Variants in ADGRL2 observed in about 807,000 individuals in gnomAD.
ADGRL2 encodes the protein adhesion G protein-coupled receptor L2, also known as calcium-independent alpha-latrotoxin receptor 2.
A neutral mutation model predicts 157.4 loss-of-function variants in ADGRL2; 44 were observed. The observed-to-expected ratio is 0.28, with a 90% CI of 0.22 to 0.36. The LOEUF is 0.36. Ranked by LOEUF, ADGRL2 falls within the 10% of genes least tolerant of loss-of-function variation. The pLI is 1.00. For missense variants in ADGRL2, 1,510 were observed against 1,768.9 expected (o/e 0.85, Z 2.63); for synonymous variants, 585 against 624.7 (o/e 0.94, Z 0.95).
At chr1:81,776,691 A>G (rs901065523) in intron 2 of ADGRL2, among the ~76,000 whole-genome samples, 2 of 152,224 alleles carry the variant, frequency 1.3e-5, no homozygotes, top group South Asian at 4.1e-4. Flanking sequence ...AAACATGCAC[A>G]TACATATACA....
At chr1:81,351,870 A>G (rs776103319) in intron 1 of ADGRL2, among the ~76,000 whole-genome samples, 1 of 152,250 alleles carries the variant, frequency 6.6e-6, no homozygotes, top group Non-Finnish European at 1.5e-5. Flanking sequence ...AAAAAGATTA[A>G]GAGCGGCTCC....
intron 1 of ADGRL2, among the ~76,000 whole-genome samples, chr1:81,335,426 A>G (rs1661564891): frequency 6.6e-6 from 1 of 152,186 alleles, no homozygotes; most frequent in Non-Finnish European, 1.5e-5. Context: ...ATTTTCATTC[A>G]TTAGTTATTT....
At chr1:81,345,287 G>A (rs1662397623) in intron 1 of ADGRL2, among the ~76,000 whole-genome samples, 1 of 152,154 alleles carries the variant, frequency 6.6e-6, no homozygotes. Context: ...CCACCTCCAA[G>A]CCTAGGCTGC....
intron 3 of ADGRL2, among the ~76,000 whole-genome samples, chr1:81,634,266 A>G (rs903161793): frequency 7.2e-5 from 11 of 152,168 alleles, no homozygotes; most frequent in African/African-American, 2.2e-4. Context: ...TTCCTAATCT[A>G]TCTTGCTCAC....
intron 1 of ADGRL2, among the ~76,000 whole-genome samples, chr1:81,348,547 T>C (rs949066816): frequency 6.6e-6 from 1 of 152,024 alleles, no homozygotes; most frequent in African/African-American, 2.4e-5. Context: ...TGGCTAAAAG[T>C]AAACATGAAT....
At chr1:81,463,761 C>G (rs1341682573) in intron 2 of ADGRL2, among the ~76,000 whole-genome samples, 1 of 152,182 alleles carries the variant, frequency 6.6e-6, no homozygotes. Context: ...AGGTCGTGTT[C>G]AAGGCTGGGT....
At chr1:81,728,053 C>G (rs988127847) in intron 1 of ADGRL2, among the ~76,000 whole-genome samples, 3 of 152,078 alleles carry the variant, frequency 2.0e-5, no homozygotes, top group Admixed American at 2.0e-4. Flanking sequence ...TTCAAACAGC[C>G]AAGTATGAGA....
At chr1:81,416,004 C>A (rs1446094029) in intron 1 of ADGRL2, among the ~76,000 whole-genome samples, 1 of 151,956 alleles carries the variant, frequency 6.6e-6, no homozygotes, top group Admixed American at 6.6e-5. Flanking sequence ...CCATGCCAGG[C>A]TAATTTTTTG....
At position 81,907,228 on chromosome 1, in the gene ADGRL2, A is replaced by T. The variant is rs2094601285; in HGVS notation, c.285A>T (p.Gln95His). The change falls in exon 3 of 24, where the codon CAA becomes CAT. Residue 95 changes from glutamine (Q) to histidine (H), a missense_variant and splice_region_variant. Around this residue, in one of 4 missense-constraint regions of ADGRL2, gnomAD observed 361 missense variants for 498.4 expected, o/e 0.72. Transcript: ENST00000686636. ...YLPDAFKIMT[Q>H]RCNNRTQCIV... is the part of the protein sequence containing the mutation. ...CCGATGCCTTCAAAATTATGACTCAAAGGTAAATATTCATGTGTTAATGTC... is the reference window on the plus strand; with the variant it reads ...CCGATGCCTTCAAAATTATGACTCATAGGTAAATATTCATGTGTTAATGTC... The T allele has an allele frequency of 1.2e-6, 2 of 1,611,908 alleles. No homozygotes were observed. Among genetic ancestry groups the T allele is most frequent in the Non-Finnish European group, 1.7e-6 (2 of 1,177,980 alleles).
chr1:81,560,830 C>T (rs1353186754), intron 2 of ADGRL2, among the ~76,000 whole-genome samples: 2 of 152,110 alleles, frequency 1.3e-5, no homozygotes, highest in Admixed American at 6.5e-5. Context: ...GGTCTATCTG[C>T]ACCACGGCCC....
At chr1:81,979,297 G>A (rs1177544364) in intron 17 of ADGRL2, among the ~76,000 whole-genome samples, 1 of 151,802 alleles carries the variant, frequency 6.6e-6, no homozygotes, top group Non-Finnish European at 1.5e-5. Context: ...AAAAAAGACT[G>A]ATGATGGCTT....
rs72944970 is a variant in ADGRL2, at chr1:81,950,703, C to T, written c.1504+221C>T. ...CTCCCTTTCAGAGACCTAGGTCAAG[C>T]CTGAGATTTTTGCCCCAAGACTCTA... is the stretch of plus-strand genomic sequence containing the variant. On this transcript the variant is annotated intron_variant, in intron 7 of 23. Transcript: ENST00000686636. 9.3e-3 allele frequency among the ~76,000 whole-genome samples: 1,410 copies of T among 152,218 alleles called. 20 individuals are homozygous for T. The highest frequency in any genetic ancestry group is 0.032 in the African/African-American group (1,346 of 41,534).
intron 8 of ADGRL2, 112 bp from the exon 9 acceptor site, chr1:81,951,845 G>T (rs1397377098): frequency 1.5e-6 from 1 of 683,912 alleles, no homozygotes. Flanking sequence ...CAATTAGTTG[G>T]AGAATTTAAC....
At chr1:81,515,953 A>G (rs149862416) in intron 2 of ADGRL2, among the ~76,000 whole-genome samples, 3,031 of 152,292 alleles carry the variant, frequency 0.02, 91 homozygotes, top group African/African-American at 0.07. Context: ...TTCAAATATA[A>G]TTATTCAAAT....
intron 3 of ADGRL2, among the ~76,000 whole-genome samples, chr1:81,590,766 C>T (rs557157334): frequency 6.6e-6 from 1 of 152,126 alleles, no homozygotes; most frequent in South Asian, 2.1e-4. Flanking sequence ...ACTATAGTGC[C>T]AGGATCTCTA....
chr1:81,411,633 C>A (rs2076946316), intron 1 of ADGRL2, among the ~76,000 whole-genome samples: 1 of 152,170 alleles, frequency 6.6e-6, no homozygotes, highest in Admixed American at 6.5e-5. Context: ...TGGCTCACGC[C>A]TGTAATCCCA....
At position 81,913,482 on chromosome 1, in the gene ADGRL2, C is replaced by T. The variant is rs558914921; in HGVS notation, c.287+6252C>T. Among the ~76,000 whole-genome samples the T allele has an allele frequency of 2.0e-5, 3 of 152,294 alleles. No homozygotes were observed. In the South Asian group the frequency reaches 6.2e-4, roughly 32 times the overall value. ...TAAGCAGAATGATCTTACCCTCTAC[C>T]ATGACACCTCCCATTCTTGCCACGA... is the stretch of plus-strand genomic sequence containing the variant. On this transcript the variant is annotated intron_variant, in intron 3 of 23. Transcript: ENST00000686636.
chr1:81,803,635 C>A (rs1367086013), intron 1 of ADGRL2, among the ~76,000 whole-genome samples: 1 of 152,004 alleles, frequency 6.6e-6, no homozygotes, highest in Non-Finnish European at 1.5e-5. Context: ...CCTCCTGTTT[C>A]TTGAAAGGTG....
intron 2 of ADGRL2, among the ~76,000 whole-genome samples, chr1:81,524,628 A>G (rs1354891200): frequency 6.6e-6 from 1 of 152,220 alleles, no homozygotes; most frequent in Non-Finnish European, 1.5e-5. Context: ...TATGAAAGAA[A>G]AAAAACTTCA....
Sources: allele counts gnomAD v4.1 joint callset (sites outside exome capture counted in the v4.1 genomes callset), GRCh38; gene constraint gnomAD v4.1.1; regional missense constraint gnomAD v4.1.1; transcripts MANE v1.5; gene names NCBI Gene and HGNC (gene_info 2026-07-23, HGNC 2026-07-21).